Variants in PRR5L observed in about 807,000 individuals in gnomAD.
PRR5L encodes proline-rich protein 5-like.
A neutral mutation model predicts 36.4 loss-of-function variants in PRR5L; 21 were observed. The ratio of observed to expected loss-of-function variants is 0.58; its 90% CI spans 0.41 to 0.83. The LOEUF (loss-of-function observed/expected upper bound fraction) is 0.83, where lower values mean the gene tolerates loss of function less well. Ranked by LOEUF, PRR5L falls within the 40% of genes least tolerant of loss-of-function variation. The pLI, the probability that PRR5L is intolerant of heterozygous loss-of-function variation, is 0.00. For synonymous variants in PRR5L, 188 were observed against 197.0 expected (o/e 0.95, Z 0.38); for missense variants, 381 against 473.3 (o/e 0.80, Z 1.81).
chr11:36,458,285 T>C (rs1859107154), intron 8 of PRR5L, among the ~76,000 whole-genome samples: 1 of 152,110 alleles, frequency 6.6e-6, no homozygotes, highest in African/African-American at 2.4e-5. Flanking sequence ...CAGCGTGTAG[T>C]GGGGAAAGTC....
intron 1 of PRR5L, among the ~76,000 whole-genome samples, chr11:36,363,630 T>C (rs1444902536): frequency 4.6e-5 from 7 of 152,206 alleles, no homozygotes; most frequent in Admixed American, 4.6e-4. Flanking sequence ...CCCCAGCTCC[T>C]AGACCAGCAG....
chr11:36,345,223 G>C (rs983006783), intron 1 of PRR5L, among the ~76,000 whole-genome samples: 1 of 152,084 alleles, frequency 6.6e-6, no homozygotes, highest in Admixed American at 6.6e-5. Context: ...AGGAAGAAGG[G>C]GGCACGTGAC....
intron 1 of PRR5L, among the ~76,000 whole-genome samples, chr11:36,329,905 C>T (rs1428512508): frequency 6.6e-6 from 1 of 152,186 alleles, no homozygotes; most frequent in Admixed American, 6.5e-5. Flanking sequence ...GGAACCAGGT[C>T]TATTTTTCCA....
chr11:36,453,464 A>G (rs547041887), intron 8 of PRR5L, among the ~76,000 whole-genome samples: 2 of 152,336 alleles, frequency 1.3e-5, no homozygotes, highest in Non-Finnish European at 2.9e-5. Context: ...GCAAAGACTC[A>G]AGGTTTTATT....
rs542837935 is a variant in PRR5L at position 36,386,791 on chromosome 11, T to C, written c.-125-14206T>C. 3.4e-3 allele frequency among the ~76,000 whole-genome samples: 513 copies of C among 152,364 alleles called. 3 individuals carry two copies. The highest frequency in any genetic ancestry group is 0.012 in the African/African-American group (496 of 41,592). On this transcript the variant is annotated intron_variant, in intron 1 of 8. Transcript: ENST00000530639. ...AATGAGCCTAATGAAACCTACCTCCTTGGTTTAGAGTAGAAATTAACTGAG... is the reference window on the plus strand; with the variant it reads ...AATGAGCCTAATGAAACCTACCTCCCTGGTTTAGAGTAGAAATTAACTGAG...
At chr11:36,360,491 A>G (rs1857075637) in intron 1 of PRR5L, among the ~76,000 whole-genome samples, 1 of 152,210 alleles carries the variant, frequency 6.6e-6, no homozygotes, top group Non-Finnish European at 1.5e-5. Context: ...ACAGGAAACC[A>G]TGACAAATAT....
chr11:36,317,033 A>G (rs1192122427), intron 1 of PRR5L, among the ~76,000 whole-genome samples: 1 of 152,164 alleles, frequency 6.6e-6, no homozygotes, highest in Non-Finnish European at 1.5e-5. Flanking sequence ...AGGTGGCTTC[A>G]CTCCTAGTCT....
At chr11:36,414,385 G>T (rs1411618950) in intron 3 of PRR5L, among the ~76,000 whole-genome samples, 10 of 148,798 alleles carry the variant, frequency 6.7e-5, no homozygotes, top group Non-Finnish European at 3.0e-5. Flanking sequence ...GTTGTTTCCT[G>T]ACTTTTTAAT....
intron 8 of PRR5L, among the ~76,000 whole-genome samples, chr11:36,461,942 A>G (rs1299868026): frequency 2.0e-5 from 3 of 152,132 alleles, no homozygotes; most frequent in Non-Finnish European, 4.4e-5. Flanking sequence ...GGCATGGGAG[A>G]GGCCACTCCT....
At chr11:36,324,126 C>T (rs147788172) in intron 1 of PRR5L, among the ~76,000 whole-genome samples, 3,544 of 152,134 alleles carry the variant, frequency 0.023, 114 homozygotes, top group African/African-American at 0.079. Flanking sequence ...CTAATAGTCC[C>T]TAACTTGAAA....
At chr11:36,374,584 G>T (rs1183426783) in intron 1 of PRR5L, among the ~76,000 whole-genome samples, 2 of 152,174 alleles carry the variant, frequency 1.3e-5, no homozygotes, top group Non-Finnish European at 2.9e-5. Context: ...TAGAATGGAT[G>T]TTCCCAAACT....
At chr11:36,366,807 T>C (rs940520724) in intron 1 of PRR5L, among the ~76,000 whole-genome samples, 5 of 152,266 alleles carry the variant, frequency 3.3e-5, no homozygotes, top group Middle Eastern at 3.4e-3. Context: ...GAATTTTTGA[T>C]TGGGTCTCTT....
chr11:36,343,292 A>G (rs773614146), intron 1 of PRR5L, among the ~76,000 whole-genome samples: 8 of 152,224 alleles, frequency 5.3e-5, no homozygotes, highest in Non-Finnish European at 1.2e-4. Context: ...AGTGATATGC[A>G]AGATTTGCAG....
chr11:36,352,606 C>G (rs1389365087), intron 1 of PRR5L, among the ~76,000 whole-genome samples: 4 of 152,212 alleles, frequency 2.6e-5, no homozygotes, highest in Admixed American at 2.0e-4. Context: ...GGCTTCAGGA[C>G]CAGTAATTAG....
intron 1 of PRR5L, among the ~76,000 whole-genome samples, chr11:36,318,412 A>G (rs995312915): frequency 1.3e-5 from 2 of 152,148 alleles, no homozygotes; most frequent in African/African-American, 4.8e-5. Context: ...GTTGCGAACC[A>G]TTGGATTCAT....
At chr11:36,440,458 C>CA (rs760770163) in intron 6 of PRR5L, among the ~76,000 whole-genome samples, 1 of 152,156 alleles carries the variant, frequency 6.6e-6, no homozygotes, top group Non-Finnish European at 1.5e-5. Context: ...GTCCCAAAGG[C>CA]AAAATCCATC....
At chr11:36,405,766 C>T (rs1857896919) in intron 3 of PRR5L, among the ~76,000 whole-genome samples, 1 of 152,168 alleles carries the variant, frequency 6.6e-6, no homozygotes, top group Non-Finnish European at 1.5e-5. Flanking sequence ...AGTCCAAGAT[C>T]AAGGTGCCGG....
chr11:36,399,436 C>G (rs1857741716), intron 1 of PRR5L, among the ~76,000 whole-genome samples: 1 of 152,134 alleles, frequency 6.6e-6, no homozygotes, highest in Non-Finnish European at 1.5e-5. Flanking sequence ...GCCTCCATGC[C>G]CATCTGAGTG....
intron 1 of PRR5L, among the ~76,000 whole-genome samples, chr11:36,364,161 T>C (rs189264241): frequency 6.6e-6 from 1 of 152,314 alleles, no homozygotes; most frequent in African/African-American, 2.4e-5. Context: ...GAAATGGAAA[T>C]AATAATAATT....
Sources: allele counts gnomAD v4.1 joint callset (sites outside exome capture counted in the v4.1 genomes callset), GRCh38; gene constraint gnomAD v4.1.1; transcripts MANE v1.5; gene names NCBI Gene and HGNC (gene_info 2026-07-23, HGNC 2026-07-21).